The following FCHSD1 variants were observed in gnomAD, a reference collection of about 807,000 sequenced individuals.
The protein encoded by FCHSD1 is FCH and double SH3 domains 1, also known as F-BAR and double SH3 domains protein 1.
FCHSD1 carries 109 observed loss-of-function variants against 101.3 expected under a neutral mutation model. The ratio of observed to expected loss-of-function variants is 1.08; its 90% CI spans 0.92 to 1.26. The LOEUF (loss-of-function observed/expected upper bound fraction) is 1.26, where lower values mean the gene tolerates loss of function less well. Among genes scored for constraint, FCHSD1 ranks in the 50% most tolerant of loss-of-function variants. The pLI is 0.00. For synonymous variants in FCHSD1, 291 were observed against 356.8 expected (o/e 0.82, Z 2.08); for missense variants, 820 against 895.8 (o/e 0.92, Z 1.08).
At position 141,649,740 on chromosome 5, in the gene FCHSD1, G is replaced by T; in HGVS notation, c.233+147C>A. 1.7e-6 allele frequency: 2 copies of T among 1,188,896 alleles called. No individual in the cohort carries two copies. Among genetic ancestry groups the T allele is most frequent in the South Asian group, 3.0e-5 (2 of 67,364 alleles). The allele number at this position is 1,188,896 out of a possible 1,614,324, so 73.6% of individuals were successfully genotyped here. ...CACCCCACCCACAGTGTCCTTGCTGGGTCAGCTCCTCTGCTGCTGCTGTGT... is the reference window on the plus strand; with the variant it reads ...CACCCCACCCACAGTGTCCTTGCTGTGTCAGCTCCTCTGCTGCTGCTGTGT... On this transcript the variant is annotated intron_variant, in intron 4 of 19. Transcript: ENST00000435817. The surrounding 1 kb of genome is among the most constrained non-coding windows in gnomAD (Gnocchi z 4.1).
chr5:141,642,035 A>C, intron 18 of FCHSD1: 1 of 556,884 alleles, frequency 1.8e-6, no homozygotes. Context: ...AACAAACACA[A>C]TAAATGACTA....
In FCHSD1 at chr5:141,639,880, G is replaced by C; in HGVS notation, c.*1618C>G. Reference sequence around the variant, plus strand: ...CAGAGGGGAGGGCCAAGCAGCCTCTGAGTTGTGGTCCTAAACCCCAGTGTT... The same window carrying C: ...CAGAGGGGAGGGCCAAGCAGCCTCTCAGTTGTGGTCCTAAACCCCAGTGTT... On this transcript the variant is annotated 3_prime_UTR_variant, in exon 20 of 20. Coordinates refer to ENST00000435817, the MANE Select transcript of FCHSD1 (RefSeq NM_033449.3). This position sits in a 1 kb window ranked among gnomAD's most constrained non-coding sequence, Gnocchi z 4.4. 6.2e-7 allele frequency: 1 copy of C among 1,607,940 alleles called. No individual in the cohort carries two copies. Among genetic ancestry groups the C allele is most frequent in the Non-Finnish European group, 8.5e-7 (1 of 1,175,570 alleles).
In FCHSD1 at chr5:141,649,009, C is replaced by G; in HGVS notation, c.524G>C (p.Ser175Thr). ...AADVQARLNR[S>T]DHGIFHSRTS... ...CCGAGAGTGGAAGATCCCATGGTCA[C>G]TTCGGTTTAGCCTGTGCAGATGAGA... is the stretch of plus-strand genomic sequence containing the variant. Residue 175 changes from serine (S) to threonine (T), a missense_variant, in exon 7 of 20, where the codon AGT becomes ACT. Physicochemically the swap from Ser to Thr is moderately conservative, Grantham distance 58. Coordinates refer to ENST00000435817, the MANE Select transcript of FCHSD1 (RefSeq NM_033449.3). This position sits in a 1 kb window ranked among gnomAD's most constrained non-coding sequence, Gnocchi z 4.1. 6.2e-7 allele frequency: 1 copy of G among 1,613,984 alleles called. No individual in the cohort carries two copies. The highest frequency in any genetic ancestry group is 8.5e-7 in the Non-Finnish European group (1 of 1,179,894).
Position 141,644,627 on chromosome 5 carries a change from A to C in FCHSD1, c.1588T>G (p.Ser530Ala). 1 of 1,613,764 alleles carries C rather than the reference A, an allele frequency of 6.2e-7. No homozygotes were observed. The highest frequency in any genetic ancestry group is 8.5e-7 in the Non-Finnish European group (1 of 1,179,840). Residue 530 changes from serine (S) to alanine (A), a missense_variant, in exon 16 of 20, where the codon TCC (serine) becomes GCC (alanine). Transcript: ENST00000435817. ...PERYLNFPDL[S>A]LPESSQDSDN... ...CTGTCTTGGCTGCTCTCTGGGAGGG[A>C]GAGGTCCGGGAAGTTGAGATATCGC...
Position 141,645,869 on chromosome 5 carries a change from G to C in FCHSD1, c.1213C>G (p.Arg405Gly), listed in dbSNP as rs1454611589. ...LLQGAGLDVE[R>G]WLKPAMTQAQ... ...TGGGTCATGGCTGGCTTCAGCCAGCGCTCCACATCTAAGCCAGCCCCCTGC... is the reference window on the plus strand; with the variant it reads ...TGGGTCATGGCTGGCTTCAGCCAGCCCTCCACATCTAAGCCAGCCCCCTGC... The change falls in exon 13 of 20, where the codon CGC (arginine) becomes GGC (glycine). Residue 405 changes from arginine to glycine, a missense_variant. Coordinates refer to ENST00000435817, the MANE Select transcript of FCHSD1 (RefSeq NM_033449.3). 2.5e-6 allele frequency: 4 copies of C among 1,592,642 alleles called. No homozygotes were observed. Among genetic ancestry groups the C allele is most frequent in the Non-Finnish European group, 3.4e-6 (4 of 1,169,492 alleles).
rs748019454 is a variant in FCHSD1, at chr5:141,649,013, G to A, written c.520C>T (p.Arg174Ter). ...GAGTGGAAGATCCCATGGTCACTTC[G>A]GTTTAGCCTGTGCAGATGAGAGAAA... The part of the protein sequence containing the change: ...KAADVQARLN[R>*]SDHGIFHSRT... The change falls in exon 7 of 20, where the codon CGA (arginine) becomes TGA (stop). Residue 174 changes from arginine to a stop codon, truncating the protein, a stop_gained. Coordinates refer to ENST00000435817, the MANE Select transcript of FCHSD1 (RefSeq NM_033449.3). LOFTEE classifies it high-confidence loss of function. This position sits in a 1 kb window ranked among gnomAD's most constrained non-coding sequence, Gnocchi z 4.1. 1.4e-5 allele frequency: 23 copies of A among 1,613,812 alleles called. No homozygotes were observed. The highest frequency in any genetic ancestry group is 5.0e-5 in the Admixed American group (3 of 59,994).
In FCHSD1 at chr5:141,639,395, G is replaced by A. The variant is rs1392073465; in HGVS notation, c.*2103C>T. On this transcript the variant is annotated 3_prime_UTR_variant, in exon 20 of 20. Transcript: ENST00000435817. The surrounding 1 kb of genome is among the most constrained non-coding windows in gnomAD (Gnocchi z 4.4). ...TGGGGTTTTAAGGAGCATGCTGAAA[G>A]AACGTAAGAAACAAAACATGAAGGG... The A allele has an allele frequency of 8.2e-5, 112 of 1,358,116 alleles. 1 individual carries two copies. Among genetic ancestry groups the A allele is most frequent in the Non-Finnish European group, 1.1e-4 (107 of 986,068 alleles). 84.1% of individuals were successfully genotyped at this position (1,358,116 alleles called of 1,614,324 possible). A position where few individuals can be genotyped will look rare whatever the true frequency, so the allele number is the denominator to read the frequency against.
Position 141,639,922 on chromosome 5 carries a change from T to A in FCHSD1, c.*1576A>T, listed in dbSNP as rs2099906644. ...CCCAGTGTTCCCTCCCCTCCCAGGT[T>A]CCGGGTGACACACATTGAGAAGCGC... On this transcript the variant is annotated 3_prime_UTR_variant, in exon 20 of 20. Coordinates refer to ENST00000435817, the MANE Select transcript of FCHSD1 (RefSeq NM_033449.3). The surrounding 1 kb of genome is among the most constrained non-coding windows in gnomAD (Gnocchi z 4.4). 6.2e-7 allele frequency: 1 copy of A among 1,613,756 alleles called. No homozygotes were observed. Among genetic ancestry groups the A allele is most frequent in the Admixed American group, 1.7e-5 (1 of 59,996 alleles).
intron 3 of FCHSD1, 94 bp from the exon 4 acceptor site, chr5:141,650,048 G>A: frequency 1.5e-6 from 2 of 1,321,050 alleles, no homozygotes; most frequent in South Asian, 3.0e-5. Flanking sequence ...ACCATTCTTT[G>A]GGTACATTAT....
In FCHSD1 at chr5:141,641,449, T is replaced by C. The variant is rs1025728394; in HGVS notation, c.*49A>G. 12 of 1,417,846 alleles carry C rather than the reference T, an allele frequency of 8.5e-6. 1 individual carries two copies. In the African/African-American group the frequency reaches 1.0e-4, roughly 12 times the overall value. 87.8% of individuals were successfully genotyped at this position (1,417,846 alleles called of 1,614,324 possible). On this transcript the variant is annotated 3_prime_UTR_variant, in exon 20 of 20. Coordinates refer to ENST00000435817, the MANE Select transcript of FCHSD1 (RefSeq NM_033449.3). ...ATCATTGATGGTGTGGTCTGACAGCTTGAAGATAGGGACAGCAGCATCACT... is the reference window on the plus strand; with the variant it reads ...ATCATTGATGGTGTGGTCTGACAGCCTGAAGATAGGGACAGCAGCATCACT...
intron 18 of FCHSD1, chr5:141,641,983 T>G: frequency 1.7e-6 from 1 of 593,388 alleles, no homozygotes. Flanking sequence ...TGCATAGTGC[T>G]CCCACCCCCA....
Position 141,646,163 on chromosome 5 carries a change from T to G in FCHSD1, c.1073A>C (p.Gln358Pro), listed in dbSNP as rs77115131. The change falls in exon 12 of 20, where the codon CAG (glutamine) becomes CCG (proline). Residue 358 changes from glutamine (Q) to proline (P), a missense_variant. Coordinates refer to ENST00000435817, the MANE Select transcript of FCHSD1 (RefSeq NM_033449.3). ...TGGAGCCTCCCGCTCTGAAGCCTGC[T>G]GCCGCCTCTGCTCCAGTCGTTGCAG... Reference protein sequence around the residue: ...RVLQRLEQRRQQASEREAPSI... With the variant: ...RVLQRLEQRRPQASEREAPSI... The G allele has an allele frequency of 0.025, 40,462 of 1,609,978 alleles. 677 individuals carry two copies. Among genetic ancestry groups the G allele is most frequent in the East Asian group, 0.037 (1,678 of 44,770 alleles).
In FCHSD1 at chr5:141,641,149, G is replaced by C. The variant is rs1374923207; in HGVS notation, c.*349C>G. Reference sequence around the variant, plus strand: ...CCAACCCCAGTGACCCTGGCATCCAGAGTGGGGTGGGTCATGGAGCCAGGG... The same window carrying C: ...CCAACCCCAGTGACCCTGGCATCCACAGTGGGGTGGGTCATGGAGCCAGGG... On this transcript the variant is annotated 3_prime_UTR_variant, in exon 20 of 20. Coordinates refer to ENST00000435817, the MANE Select transcript of FCHSD1 (RefSeq NM_033449.3). 1 of 327,332 alleles carries C rather than the reference G, an allele frequency of 3.1e-6. No homozygotes were observed. The highest frequency in any genetic ancestry group is 5.6e-6 in the Non-Finnish European group (1 of 179,736). 20.3% of individuals were successfully genotyped at this position (327,332 alleles called of 1,614,324 possible).
At chr5:141,645,217 C>T in intron 13 of FCHSD1, 69 bp from the exon 14 acceptor site, 2 of 1,510,282 alleles carry the variant, frequency 1.3e-6, no homozygotes, top group Admixed American at 4.6e-5. Context: ...CCCACTCTTC[C>T]ATCTTTCCTC....
intron 18 of FCHSD1, chr5:141,642,309 T>C: frequency 1.6e-6 from 1 of 618,860 alleles, no homozygotes; most frequent in Non-Finnish European, 2.8e-6. Context: ...CGGGTACACA[T>C]GGACATAGAG....
chr5:141,645,783 G>C lies in FCHSD1; in HGVS notation c.1299C>G (p.Asp433Glu), dbSNP rs1252552178. ...RLSEARLSQRDLSPTAEDAEL... is the reference protein window; with the variant it reads ...RLSEARLSQRELSPTAEDAEL... ...GGGAGGAGCTCACGGTTGGAGAGAG[G>C]TCCCTCTGGGACAGCCGAGCCTCAC... is the stretch of plus-strand genomic sequence containing the variant. Residue 433 changes from aspartate (D) to glutamate (E), a missense_variant, in exon 13 of 20, where the codon GAC becomes GAG. Transcript: ENST00000435817. 6.2e-7 allele frequency: 1 copy of C among 1,611,554 alleles called. No individual in the cohort carries two copies. The highest frequency in any genetic ancestry group is 8.5e-7 in the Non-Finnish European group (1 of 1,178,990).
Position 141,639,667 on chromosome 5 carries a change from G to C in FCHSD1, c.*1831C>G. 1 of 1,584,596 alleles carries C rather than the reference G, an allele frequency of 6.3e-7. No individual in the cohort carries two copies. The highest frequency in any genetic ancestry group is 8.6e-7 in the Non-Finnish European group (1 of 1,165,044). ...GTGGGCAGGTGGGGCAGGTGCTCCAGGGAAAGGGGGGCTGAGGTAGGGGGC... is the reference window on the plus strand; with the variant it reads ...GTGGGCAGGTGGGGCAGGTGCTCCACGGAAAGGGGGGCTGAGGTAGGGGGC... On this transcript the variant is annotated 3_prime_UTR_variant, in exon 20 of 20. Transcript: ENST00000435817. The surrounding 1 kb of genome is among the most constrained non-coding windows in gnomAD (Gnocchi z 4.4).
chr5:141,642,138 A>G (rs1185431569), intron 18 of FCHSD1: 2 of 505,072 alleles, frequency 4.0e-6, no homozygotes, highest in African/African-American at 1.9e-5. Context: ...AAGTACCAGA[A>G]AGTTTTAGAA....
rs777465294 is a variant in FCHSD1 at position 141,647,884 on chromosome 5, C to A, written c.705+84G>T. ...AAACAGACAAGATCCCCTGCACCAC[C>A]CACTGTCATGGGGATCAAGAAGCAG... On this transcript the variant is annotated intron_variant, in intron 8 of 19. Transcript: ENST00000435817. 3.2e-6 allele frequency: 5 copies of A among 1,539,562 alleles called. No homozygotes were observed. In the South Asian group the frequency reaches 3.6e-5, roughly 11 times the overall value.
Sources: allele counts gnomAD v4.1 joint callset, GRCh38; gene constraint gnomAD v4.1.1; non-coding constraint Gnocchi (gnomAD v3.1); transcripts MANE v1.5; gene names NCBI Gene and HGNC (gene_info 2026-07-23, HGNC 2026-07-21).